COL5A1: variants seen among roughly 807,000 people sequenced by gnomAD.
The protein encoded by COL5A1 is collagen type V alpha 1 chain, also known as collagen alpha-1(V) chain.
A neutral mutation model predicts 263.7 loss-of-function variants in COL5A1; 16 were observed. The observed-to-expected ratio is 0.06, with a 90% CI of 0.04 to 0.09. The LOEUF (loss-of-function observed/expected upper bound fraction) is 0.09, where lower values mean the gene tolerates loss of function less well. Ranked by LOEUF, COL5A1 falls within the 10% of genes least tolerant of loss-of-function variation. COL5A1 has a pLI of 1.00. For missense variants in COL5A1, 2,036 were observed against 2,540.5 expected (o/e 0.80, Z 4.27); for synonymous variants, 1,012 against 1,004.5 (o/e 1.01, Z -0.14).
At chr9:134,645,558 G>A (rs538422902) in intron 1 of COL5A1, among the ~76,000 whole-genome samples, 1 of 152,328 alleles carries the variant, frequency 6.6e-6, no homozygotes, top group East Asian at 1.9e-4. Context: ...AATGGCCTTG[G>A]GAGACAATCA....
intron 4 of COL5A1, among the ~76,000 whole-genome samples, chr9:134,701,668 A>T (rs1304592433): frequency 2.0e-5 from 3 of 151,646 alleles, no homozygotes; most frequent in Non-Finnish European, 4.4e-5. Context: ...AAACCTGCAC[A>T]CTCCTGCCGT....
intron 21 of COL5A1, 84 bp from the exon 22 acceptor site, chr9:134,766,370 C>CTGAGT: frequency 7.3e-7 from 1 of 1,378,552 alleles, no homozygotes; most frequent in African/African-American, 1.4e-5. Flanking sequence ...GGCGTCTGAG[C>CTGAGT]TGAGTTGAGT....
intron 49 of COL5A1, among the ~76,000 whole-genome samples, chr9:134,814,331 C>T (rs930550605): frequency 3.3e-5 from 5 of 152,192 alleles, no homozygotes; most frequent in Admixed American, 2.0e-4. Context: ...CTCGTCCCCC[C>T]GGACCTTGAG....
rs548418938 is a variant in COL5A1, at chr9:134,757,533, C to T, written c.1882-710C>T. On this transcript the variant is annotated intron_variant, in intron 17 of 65. Transcript: ENST00000371817. This position sits in a 1 kb window ranked among gnomAD's most constrained non-coding sequence, Gnocchi z 6.2. ...ACTACACCTGTTCCCTCTTAACGGGCGTGGATGAGCTCTGAAGTGCATCCC... is the reference window on the plus strand; with the variant it reads ...ACTACACCTGTTCCCTCTTAACGGGTGTGGATGAGCTCTGAAGTGCATCCC... Among the ~76,000 whole-genome samples the T allele has an allele frequency of 1.3e-5, 2 of 152,156 alleles. No homozygotes were observed. Among genetic ancestry groups the T allele is most frequent in the Non-Finnish European group, 2.9e-5 (2 of 68,032 alleles).
chr9:134,746,205 C>T (rs1835506863), intron 11 of COL5A1, among the ~76,000 whole-genome samples: 2 of 152,220 alleles, frequency 1.3e-5, no homozygotes, highest in African/African-American at 4.8e-5. Context: ...CTCCCAGCCA[C>T]TCCCGAGCTG....
Position 134,818,622 on chromosome 9 carries a change from T to C in COL5A1, c.4231-34T>C. The C allele has an allele frequency of 6.5e-7, 1 of 1,535,100 alleles. No homozygotes were observed. On this transcript the variant is annotated intron_variant, in intron 54 of 65. Coordinates refer to ENST00000371817, the MANE Select transcript of COL5A1 (RefSeq NM_000093.5). This position sits in a 1 kb window ranked among gnomAD's most constrained non-coding sequence, Gnocchi z 6.0. Reference sequence around the variant, plus strand: ...GGCCAGGGTGCCTGGAGCCTAGAGCTCCGGACCTCATTCTGCCCTCCGCCG... The same window carrying C: ...GGCCAGGGTGCCTGGAGCCTAGAGCCCCGGACCTCATTCTGCCCTCCGCCG...
Position 134,812,707 on chromosome 9 carries a change from G to A in COL5A1, c.3847G>A (p.Glu1283Lys), listed in dbSNP as rs1372225163. ...GGIGNPGAVG[E>K]KGEPGEAGEP... ...AATAGGAAACCCTGGTGCAGTGGGA[G>A]AGAAGGTGAGGCTCGTGCCTGCTCT... The change falls in exon 48 of 66, where the codon GAG (glutamate) becomes AAG (lysine). Residue 1283 changes from glutamate to lysine, a missense_variant. Coordinates refer to ENST00000371817, the MANE Select transcript of COL5A1 (RefSeq NM_000093.5). 5 of 1,572,538 alleles carry A rather than the reference G, an allele frequency of 3.2e-6. No homozygotes were observed. In the South Asian group the frequency reaches 4.7e-5, roughly 15 times the overall value.
rs1034733110 is a variant in COL5A1 at position 134,652,740 on chromosome 9, G to A, written c.109+10444G>A. 6.4e-6 allele frequency: 3 copies of A among 470,848 alleles called. No individual in the cohort carries two copies. Among genetic ancestry groups the A allele is most frequent in the East Asian group, 1.4e-4 (2 of 14,374 alleles). 29.2% of individuals were successfully genotyped at this position (470,848 alleles called of 1,614,324 possible). On this transcript the variant is annotated intron_variant, in intron 1 of 65. Transcript: ENST00000371817. This position sits in a 1 kb window ranked among gnomAD's most constrained non-coding sequence, Gnocchi z 4.4. ...TCTTCTCATGGCTCATTGTCAGACA[G>A]GAGGGAGGGCCTCTTCTTAGGCCGG...
At chr9:134,699,799 G>T in intron 2 of COL5A1, 110 bp from the exon 3 acceptor site, 1 of 1,051,042 alleles carries the variant, frequency 9.5e-7, no homozygotes, top group Admixed American at 1.8e-5. Context: ...GCCCCACGAC[G>T]GGCAGCACAG....
At chr9:134,837,077 G>A (rs141005019) in intron 65 of COL5A1, among the ~76,000 whole-genome samples, 2 of 152,326 alleles carry the variant, frequency 1.3e-5, no homozygotes, top group Admixed American at 6.5e-5. Flanking sequence ...TTTAGAGCTC[G>A]GAATCGTGTC....
In COL5A1 at chr9:134,842,678, T is replaced by C; in HGVS notation, c.*375T>C. On this transcript the variant is annotated 3_prime_UTR_variant, in exon 66 of 66. Transcript: ENST00000371817. This position sits in a 1 kb window ranked among gnomAD's most constrained non-coding sequence, Gnocchi z 5.8. The stretch of plus-strand genomic sequence containing the variant: ...GAGGGACTGCCAGATTTGGACACTA[T>C]ATTTTTTTCTAAATTCAACTTGAAG... 1 of 315,376 alleles carries C rather than the reference T, an allele frequency of 3.2e-6. No homozygotes were observed. Among genetic ancestry groups the C allele is most frequent in the Non-Finnish European group, 6.0e-6 (1 of 167,444 alleles). The allele number at this position is 315,376 out of a possible 1,614,324, so 19.5% of individuals were successfully genotyped here.
At chr9:134,739,466 G>A (rs529038194) in intron 11 of COL5A1, among the ~76,000 whole-genome samples, 10 of 152,242 alleles carry the variant, frequency 6.6e-5, no homozygotes, top group Non-Finnish European at 1.3e-4. Context: ...CAAGGGCTGC[G>A]TGCGGGTGTT....
intron 11 of COL5A1, among the ~76,000 whole-genome samples, chr9:134,748,043 A>G (rs1213781182): frequency 2.6e-5 from 4 of 151,912 alleles, no homozygotes; most frequent in Non-Finnish European, 4.4e-5. Context: ...ATGCAGACAC[A>G]TGCACACATG....
At chr9:134,709,696 A>G (rs766935966) in intron 4 of COL5A1, among the ~76,000 whole-genome samples, 4 of 152,180 alleles carry the variant, frequency 2.6e-5, no homozygotes, top group Non-Finnish European at 5.9e-5. Context: ...GGTTTGTTCC[A>G]TGGAAAATGT....
chr9:134,784,124 C>T (rs549256218), intron 29 of COL5A1, among the ~76,000 whole-genome samples: 10 of 152,304 alleles, frequency 6.6e-5, no homozygotes, highest in Non-Finnish European at 1.2e-4. Flanking sequence ...TGCACCTTCT[C>T]GGTGCTCTGT....
At chr9:134,708,206 G>A (rs1349910710) in intron 4 of COL5A1, among the ~76,000 whole-genome samples, 1 of 152,140 alleles carries the variant, frequency 6.6e-6, no homozygotes, top group Non-Finnish European at 1.5e-5. Flanking sequence ...TGTGCACCTG[G>A]GCAGGGCAGG....
chr9:134,812,759 AGTGTGTGTGTGTGTCT>A, intron 48 of COL5A1, 47 bp downstream of exon 48: 2 of 969,710 alleles, frequency 2.1e-6, no homozygotes, highest in South Asian at 1.6e-5. Flanking sequence ...TTGTTTGAGG[AGTGTGTGTGTGTGTCT>A]GTGTGTGTGT....
chr9:134,801,288 G>A (rs1838104340), intron 37 of COL5A1, among the ~76,000 whole-genome samples: 3 of 152,284 alleles, frequency 2.0e-5, no homozygotes, highest in Admixed American at 1.3e-4. Context: ...CACCCGTCGT[G>A]CATCAGAGGC....
rs371753763 is a variant in COL5A1 at position 134,782,734 on chromosome 9, G to C, written c.2484+14G>C. On this transcript the variant is annotated intron_variant, in intron 29 of 65. Coordinates refer to ENST00000371817, the MANE Select transcript of COL5A1 (RefSeq NM_000093.5). ...AAGGGTGATCGGGTGAGCATCTCAG[G>C]TTTGGGATTTGGGCTGGGGAAAGCT... 3 of 1,587,820 alleles carry C rather than the reference G, an allele frequency of 1.9e-6. No homozygotes were observed. The highest frequency in any genetic ancestry group is 2.7e-5 in the African/African-American group (2 of 74,290).
Sources: allele counts gnomAD v4.1 joint callset (sites outside exome capture counted in the v4.1 genomes callset), GRCh38; gene constraint gnomAD v4.1.1; non-coding constraint Gnocchi (gnomAD v3.1); transcripts MANE v1.5; gene names NCBI Gene and HGNC (gene_info 2026-07-23, HGNC 2026-07-21).